The following RAB22A variants were observed in gnomAD, a reference collection of about 807,000 sequenced individuals.
The protein encoded by RAB22A is RAB22A, member RAS oncogene family, also known as ras-related protein Rab-22A.
RAB22A carries 13 observed loss-of-function variants against 30.2 expected under a neutral mutation model. The ratio of observed to expected loss-of-function variants is 0.43; its 90% CI spans 0.28 to 0.68. RAB22A has a LOEUF of 0.68. RAB22A is among the 30% of genes least tolerant of loss of function. RAB22A has a pLI of 0.18. For synonymous variants in RAB22A, 89 were observed against 87.2 expected, an observed-to-expected ratio of 1.02 and a Z score of -0.11; for missense variants, 177 against 246.8, an observed-to-expected ratio of 0.72 and a Z score of 1.89.
rs889571325 is a variant in RAB22A, at chr20:58,359,318, C to T, written c.488-288C>T. 2.1e-4 allele frequency among the ~76,000 whole-genome samples: 32 copies of T among 151,966 alleles called. 1 individual carries two copies. The highest frequency in any genetic ancestry group is 4.1e-4 in the Non-Finnish European group (28 of 67,978). On this transcript the variant is annotated intron_variant, in intron 6 of 6. Transcript: ENST00000244040. ...GGACATGTAGAAAAACTGATGCTATCTGAAAAAAGTCTGGAGTTAATAGTG... is the reference window on the plus strand; with the variant it reads ...GGACATGTAGAAAAACTGATGCTATTTGAAAAAAGTCTGGAGTTAATAGTG...
In RAB22A at chr20:58,356,414, A is replaced by G. The variant is rs117289281; in HGVS notation, c.487+2149A>G. Among the ~76,000 whole-genome samples, 6 of 152,310 alleles carry G rather than the reference A, an allele frequency of 3.9e-5. No homozygotes were observed. The East Asian group carries it at 9.6e-4, about 24-fold the overall frequency. ...AATTTAACTGTGAAAAACAAAACCT[A>G]TATGTTCACAAAGATTAGAAAAATT... On this transcript the variant is annotated intron_variant, in intron 6 of 6. Coordinates refer to ENST00000244040, the MANE Select transcript of RAB22A (RefSeq NM_020673.3).
At chr20:58,312,280 T>A (rs1197616404) in intron 2 of RAB22A, among the ~76,000 whole-genome samples, 4 of 133,468 alleles carry the variant, frequency 3.0e-5, no homozygotes, top group Non-Finnish European at 4.8e-5. Context: ...TTTTGTCTGC[T>A]TTTTTTTTTT....
chr20:58,320,721 G>T (rs1192469526), intron 2 of RAB22A, among the ~76,000 whole-genome samples: 1 of 152,036 alleles, frequency 6.6e-6, no homozygotes, highest in Non-Finnish European at 1.5e-5. Context: ...CAATTCTTTG[G>T]GTATTTTCCA....
At chr20:58,331,186 T>C (rs1292842781) in intron 2 of RAB22A, among the ~76,000 whole-genome samples, 2 of 152,200 alleles carry the variant, frequency 1.3e-5, no homozygotes, top group East Asian at 1.9e-4. Flanking sequence ...TGAAATGTTC[T>C]CCCCCCTCTA....
At chr20:58,352,599 C>G (rs1987070900) in intron 3 of RAB22A, among the ~76,000 whole-genome samples, 1 of 152,210 alleles carries the variant, frequency 6.6e-6, no homozygotes, top group Non-Finnish European at 1.5e-5. Flanking sequence ...CCTTGCTGTT[C>G]AAATGGTTAT....
intron 2 of RAB22A, among the ~76,000 whole-genome samples, chr20:58,331,065 C>G (rs541354353): frequency 1.3e-5 from 2 of 152,274 alleles, no homozygotes; most frequent in East Asian, 1.9e-4. Context: ...GATTTTTTAT[C>G]ACTTTCTTCC....
intron 3 of RAB22A, among the ~76,000 whole-genome samples, chr20:58,351,645 C>A (rs1017669717): frequency 6.6e-6 from 1 of 152,170 alleles, no homozygotes; most frequent in African/African-American, 2.4e-5. Flanking sequence ...GAAACCCCAT[C>A]TCTACTAAAA....
At chr20:58,313,827 A>G (rs1986279467) in intron 2 of RAB22A, among the ~76,000 whole-genome samples, 1 of 152,148 alleles carries the variant, frequency 6.6e-6, no homozygotes, top group Non-Finnish European at 1.5e-5. Flanking sequence ...AAACAGTCAC[A>G]CCCAATTATT....
intron 2 of RAB22A, among the ~76,000 whole-genome samples, chr20:58,331,191 C>A (rs575213480): frequency 5.9e-5 from 9 of 152,148 alleles, no homozygotes; most frequent in African/African-American, 1.7e-4. Context: ...TGTTCTCCCC[C>A]CTCTAAATAT....
At chr20:58,358,855 A>T (rs564466560) in intron 6 of RAB22A, among the ~76,000 whole-genome samples, 1 of 151,070 alleles carries the variant, frequency 6.6e-6, no homozygotes, top group African/African-American at 2.4e-5. Flanking sequence ...AGATCATGCC[A>T]CTATACTCCA....
intron 2 of RAB22A, among the ~76,000 whole-genome samples, chr20:58,327,215 A>T (rs976808360): frequency 6.6e-6 from 1 of 152,208 alleles, no homozygotes; most frequent in Non-Finnish European, 1.5e-5. Context: ...TCTTATGTTA[A>T]TATGGTGGGT....
chr20:58,309,810 C>G lies in RAB22A; in HGVS notation c.-167C>G, dbSNP rs916728872. 6 of 552,040 alleles carry G rather than the reference C, an allele frequency of 1.1e-5. No individual in the cohort carries two copies. Among genetic ancestry groups the G allele is most frequent in the African/African-American group, 2.0e-5 (1 of 50,358 alleles). 34.2% of individuals were successfully genotyped at this position (552,040 alleles called of 1,614,324 possible). ...GCTAAGGCGGGCCCCACGCGGCTGG[C>G]AGCGGACAGGCCGGACCTACGGCCG... On this transcript the variant is annotated 5_prime_UTR_variant, in exon 1 of 7. Transcript: ENST00000244040.
chr20:58,327,492 G>C (rs1449091909), intron 2 of RAB22A, among the ~76,000 whole-genome samples: 5 of 152,172 alleles, frequency 3.3e-5, no homozygotes, highest in Admixed American at 6.5e-5. Context: ...CTCTCCATAG[G>C]GCTGCTTGAG....
chr20:58,313,206 C>T (rs1986266595), intron 2 of RAB22A, among the ~76,000 whole-genome samples: 1 of 152,254 alleles, frequency 6.6e-6, no homozygotes. Flanking sequence ...AGCTCCCAAT[C>T]TGCCAGATGC....
At position 58,330,861 on chromosome 20, in the gene RAB22A, C is replaced by T. The variant is rs375694805; in HGVS notation, c.117-12857C>T. 1.3e-4 allele frequency among the ~76,000 whole-genome samples: 20 copies of T among 152,296 alleles called. No homozygotes were observed. The East Asian group carries it at 3.3e-3, about 25-fold the overall frequency. ...TTTTTGGCCTTCCAGCTGTTGCTGT[C>T]CATTGGACTCCTTGGCATCTCCCCA... On this transcript the variant is annotated intron_variant, in intron 2 of 6. Coordinates refer to ENST00000244040, the MANE Select transcript of RAB22A (RefSeq NM_020673.3).
At chr20:58,333,851 G>A (rs953203851) in intron 2 of RAB22A, among the ~76,000 whole-genome samples, 27 of 152,072 alleles carry the variant, frequency 1.8e-4, no homozygotes, top group African/African-American at 5.3e-4. Flanking sequence ...GAGGCCAGAC[G>A]TTCAAGACCA....
Position 58,360,758 on chromosome 20 carries a change from G to A in RAB22A, c.*1055G>A, listed in dbSNP as rs1025456763. The A allele has an allele frequency of 6.6e-6, 1 of 152,546 alleles. No individual in the cohort carries two copies. Among genetic ancestry groups the A allele is most frequent in the Non-Finnish European group, 1.5e-5 (1 of 68,034 alleles). The allele number at this position is 152,546 out of a possible 1,614,324, so 9.4% of individuals were successfully genotyped here. The stretch of plus-strand genomic sequence containing the variant: ...TCAAGCACATTGGTATTGTATAAAG[G>A]TATAGAGCACTTAGCTTACAATCTT... On this transcript the variant is annotated 3_prime_UTR_variant, in exon 7 of 7. Transcript: ENST00000244040.
chr20:58,317,345 C>A (rs1986362239), intron 2 of RAB22A, among the ~76,000 whole-genome samples: 1 of 151,994 alleles, frequency 6.6e-6, no homozygotes. Flanking sequence ...GATCCACCCA[C>A]CTTGGCCTCC....
intron 2 of RAB22A, among the ~76,000 whole-genome samples, chr20:58,320,565 G>A (rs1301399015): frequency 6.6e-6 from 1 of 152,070 alleles, no homozygotes; most frequent in African/African-American, 2.4e-5. Context: ...TGAGCATTTA[G>A]AACTGTAAAT....
Sources: allele counts gnomAD v4.1 joint callset (sites outside exome capture counted in the v4.1 genomes callset), GRCh38; gene constraint gnomAD v4.1.1; transcripts MANE v1.5; gene names NCBI Gene and HGNC (gene_info 2026-07-23, HGNC 2026-07-21).